MAPKAP1: variants seen among roughly 807,000 people sequenced by gnomAD.
The protein encoded by MAPKAP1 is MAPK associated protein 1, also known as target of rapamycin complex 2 subunit MAPKAP1.
In MAPKAP1, 20 loss-of-function variants were observed where a neutral mutation model predicts 65.7. The observed-to-expected ratio is 0.30, with a 90% CI of 0.21 to 0.44. The LOEUF (loss-of-function observed/expected upper bound fraction) is 0.44. Among genes scored for constraint, MAPKAP1 ranks in the 20% least tolerant of loss-of-function variants. MAPKAP1 has a pLI of 1.00. For missense variants in MAPKAP1, 423 were observed against 648.0 expected, an observed-to-expected ratio of 0.65 and a Z score of 3.77; for synonymous variants, 222 against 244.3, an observed-to-expected ratio of 0.91 and a Z score of 0.85.
chr9:125,636,287 G>A (rs866635939), intron 4 of MAPKAP1, among the ~76,000 whole-genome samples: 19 of 152,098 alleles, frequency 1.2e-4, no homozygotes, highest in Admixed American at 3.3e-4. Context: ...TCCTGAAAGG[G>A]ACATATTAAT....
chr9:125,480,048 C>T (rs1443600254), intron 9 of MAPKAP1, among the ~76,000 whole-genome samples: 1 of 152,150 alleles, frequency 6.6e-6, no homozygotes, highest in Non-Finnish European at 1.5e-5. Flanking sequence ...TGTTTGCCTC[C>T]CTACTCTTGG....
chr9:125,538,281 G>C (rs906963690), intron 7 of MAPKAP1, among the ~76,000 whole-genome samples: 8 of 152,208 alleles, frequency 5.3e-5, no homozygotes, highest in Non-Finnish European at 8.8e-5. Flanking sequence ...TGCTATTTCA[G>C]CAGTCTAGGT....
At chr9:125,694,638 G>A (rs1054958901) in intron 1 of MAPKAP1, among the ~76,000 whole-genome samples, 1 of 152,090 alleles carries the variant, frequency 6.6e-6, no homozygotes, top group Non-Finnish European at 1.5e-5. Context: ...ACACTTTATA[G>A]AAACCGTGCT....
chr9:125,700,599 T>C (rs113668156), intron 1 of MAPKAP1, among the ~76,000 whole-genome samples: 13 of 152,334 alleles, frequency 8.5e-5, no homozygotes, highest in Admixed American at 7.2e-4. Context: ...TACATAAAAC[T>C]GTATTCTACT....
At chr9:125,643,425 C>T (rs1438436576) in intron 4 of MAPKAP1, among the ~76,000 whole-genome samples, 1 of 152,102 alleles carries the variant, frequency 6.6e-6, no homozygotes, top group African/African-American at 2.4e-5. Context: ...AAACTCCTGA[C>T]CTCAGGTGAT....
At chr9:125,456,516 T>C (rs1172834711) in intron 10 of MAPKAP1, among the ~76,000 whole-genome samples, 1 of 152,214 alleles carries the variant, frequency 6.6e-6, no homozygotes, top group Non-Finnish European at 1.5e-5. Flanking sequence ...CCTTGTCTTG[T>C]TTGTGGCCTG....
rs985632244 is a variant in MAPKAP1 at position 125,696,940 on chromosome 9, A to G, written c.-70+10031T>C. 6.6e-5 allele frequency among the ~76,000 whole-genome samples: 10 copies of G among 152,166 alleles called. 1 individual carries two copies. Among genetic ancestry groups the G allele is most frequent in the African/African-American group, 1.7e-4 (7 of 41,440 alleles). ...CGTAAGCATTCAACTCACTATCTCT[A>G]TCTACCAAAGGCCAACCTCAACTCC... On this transcript the variant is annotated intron_variant, in intron 1 of 11. Coordinates refer to ENST00000265960, the MANE Select transcript of MAPKAP1 (RefSeq NM_001006617.3).
chr9:125,541,990 C>T (rs1830264542), intron 7 of MAPKAP1, among the ~76,000 whole-genome samples: 1 of 152,226 alleles, frequency 6.6e-6, no homozygotes, highest in Non-Finnish European at 1.5e-5. Context: ...AACAATGACT[C>T]CTGGCAAGCA....
intron 10 of MAPKAP1, among the ~76,000 whole-genome samples, chr9:125,458,616 C>T (rs545518670): frequency 1.3e-5 from 2 of 151,642 alleles, no homozygotes; most frequent in East Asian, 4.0e-4. Context: ...ATGTCTACTT[C>T]CTTCTACACA....
intron 4 of MAPKAP1, among the ~76,000 whole-genome samples, chr9:125,653,005 G>A (rs767234138): frequency 1.9e-4 from 29 of 152,286 alleles, no homozygotes; most frequent in African/African-American, 3.8e-4. Flanking sequence ...CATCGTCAGT[G>A]CCCTGTGTCA....
At chr9:125,501,692 T>A (rs1448218399) in intron 8 of MAPKAP1, among the ~76,000 whole-genome samples, 1 of 152,212 alleles carries the variant, frequency 6.6e-6, no homozygotes, top group Non-Finnish European at 1.5e-5. Context: ...TTCAAAATAG[T>A]TATGAGAATA....
In MAPKAP1 at chr9:125,438,790, C is replaced by A. The variant is rs1271844155; in HGVS notation, c.*97G>T. 1.3e-5 allele frequency: 20 copies of A among 1,524,256 alleles called. No homozygotes were observed. The highest frequency in any genetic ancestry group is 1.8e-5 in the Admixed American group (1 of 56,064). The allele number at this position is 1,524,256 out of a possible 1,614,324, so 94.4% of individuals were successfully genotyped here. A position where few individuals can be genotyped will look rare whatever the true frequency, so the allele number is the denominator to read the frequency against. On this transcript the variant is annotated 3_prime_UTR_variant, in exon 12 of 12. Coordinates refer to ENST00000265960, the MANE Select transcript of MAPKAP1 (RefSeq NM_001006617.3). ...GTGCCAGTGAGCCAGGGGCTGGCCTCCCCCCGAGGACTTCAGGACACCGGG... is the reference window on the plus strand; with the variant it reads ...GTGCCAGTGAGCCAGGGGCTGGCCTACCCCCGAGGACTTCAGGACACCGGG...
chr9:125,611,059 G>A (rs1832586884), intron 4 of MAPKAP1, among the ~76,000 whole-genome samples: 1 of 152,182 alleles, frequency 6.6e-6, no homozygotes. Flanking sequence ...GATATATTAT[G>A]GTTGAGTAGG....
chr9:125,576,734 T>C (rs62570226), intron 5 of MAPKAP1, among the ~76,000 whole-genome samples: 7 of 152,248 alleles, frequency 4.6e-5, no homozygotes, highest in Non-Finnish European at 1.0e-4. Context: ...TTGGCCGGGC[T>C]GGTCTCCAGC....
intron 7 of MAPKAP1, among the ~76,000 whole-genome samples, chr9:125,538,994 T>C (rs966756350): frequency 1.4e-4 from 22 of 152,210 alleles, no homozygotes; most frequent in Admixed American, 5.9e-4. Flanking sequence ...CCTCTGCTCC[T>C]AGTAGTACTT....
chr9:125,438,259 G>A lies in MAPKAP1; in HGVS notation c.*628C>T, dbSNP rs1465391837. On this transcript the variant is annotated 3_prime_UTR_variant, in exon 12 of 12. Coordinates refer to ENST00000265960, the MANE Select transcript of MAPKAP1 (RefSeq NM_001006617.3). ...GCCTTGGACACACCACTAGGTCTCT[G>A]TTCCTAACTTTTAGTAAGACACTAC... 1.0e-5 allele frequency: 4 copies of A among 397,108 alleles called. No individual in the cohort carries two copies. The highest frequency in any genetic ancestry group is 4.4e-5 in the Admixed American group (1 of 22,698). 24.6% of individuals were successfully genotyped at this position (397,108 alleles called of 1,614,324 possible).
chr9:125,498,509 G>A (rs1303355452), intron 8 of MAPKAP1, among the ~76,000 whole-genome samples: 1 of 152,044 alleles, frequency 6.6e-6, no homozygotes, highest in Non-Finnish European at 1.5e-5. Context: ...TACAATAGTA[G>A]GCCCAAATAC....
intron 6 of MAPKAP1, among the ~76,000 whole-genome samples, chr9:125,554,650 G>A (rs866661162): frequency 6.6e-6 from 1 of 151,984 alleles, no homozygotes; most frequent in South Asian, 2.1e-4. Flanking sequence ...AATAGAGTTA[G>A]TTGGGCATGG....
chr9:125,693,698 CGTATATATACACATATATACACGT>C lies in MAPKAP1; in HGVS notation c.-70+13249_-70+13272del, dbSNP rs1564620246. On this transcript the variant is annotated intron_variant, in intron 1 of 11. Coordinates refer to ENST00000265960, the MANE Select transcript of MAPKAP1 (RefSeq NM_001006617.3). ...ACGTATATATACACGTATATATACA[CGTATATATACACATATATACACGT>C]ATATACACATATATACACGTATATA... Among the ~76,000 whole-genome samples the C allele has an allele frequency of 7.2e-3, 667 of 92,948 alleles. 23 individuals are homozygous for C. The highest frequency in any genetic ancestry group is 0.018 in the African/African-American group (445 of 24,542). 61.0% of individuals were successfully genotyped at this position (92,948 alleles called of 152,430 possible).
Sources: allele counts gnomAD v4.1 joint callset (sites outside exome capture counted in the v4.1 genomes callset), GRCh38; gene constraint gnomAD v4.1.1; transcripts MANE v1.5; gene names NCBI Gene and HGNC (gene_info 2026-07-23, HGNC 2026-07-21).